ROBO2: variants seen among roughly 807,000 people sequenced by gnomAD.
ROBO2 encodes roundabout guidance receptor 2, also known as roundabout homolog 2.
ROBO2 carries 53 observed loss-of-function variants against 160.8 expected under a neutral mutation model. The observed-to-expected ratio is 0.33, with a 90% CI of 0.26 to 0.41. ROBO2 has a LOEUF of 0.41. Among genes scored for constraint, ROBO2 ranks in the 10% least tolerant of loss-of-function variants. The pLI is 1.00. For missense variants in ROBO2, 1,577 were observed against 1,722.4 expected, an observed-to-expected ratio of 0.92 and a Z score of 1.49; for synonymous variants, 664 against 611.7, an observed-to-expected ratio of 1.09 and a Z score of -1.26.
Position 76,420,507 on chromosome 3 carries a change from T to C in ROBO2, c.109+482905T>C, listed in dbSNP as rs147952141. 4.2e-3 allele frequency among the ~76,000 whole-genome samples: 638 copies of C among 152,360 alleles called. 4 individuals carry two copies. The highest frequency in any genetic ancestry group is 0.014 in the African/African-American group (589 of 41,590). ...GAACCTAAGATATAAGCAACGTTTT[T>C]GATTAAACACACATTTAAGACAAGA... On this transcript the variant is annotated intron_variant, in intron 2 of 26. Coordinates refer to the ROBO2 transcript ENST00000487694.
intron 5 of ROBO2, among the ~76,000 whole-genome samples, chr3:77,518,759 G>C (rs2090291532): frequency 6.6e-6 from 1 of 151,484 alleles, no homozygotes; most frequent in Admixed American, 6.6e-5. Context: ...GATCCTCAAG[G>C]AGAAATTAAA....
At chr3:77,010,212 T>C (rs1164896024) in intron 2 of ROBO2, among the ~76,000 whole-genome samples, 1 of 152,102 alleles carries the variant, frequency 6.6e-6, no homozygotes, top group Non-Finnish European at 1.5e-5. Context: ...GTCAATAAAA[T>C]TGAAGTATAT....
chr3:76,226,350 G>A (rs1213588867), intron 2 of ROBO2, among the ~76,000 whole-genome samples: 1 of 152,128 alleles, frequency 6.6e-6, no homozygotes, highest in African/African-American at 2.4e-5. Flanking sequence ...TGTGTCCTGA[G>A]ATGTGTGTGT....
intron 2 of ROBO2, among the ~76,000 whole-genome samples, chr3:77,340,231 A>G (rs532364098): frequency 2.0e-5 from 3 of 152,136 alleles, no homozygotes; most frequent in Non-Finnish European, 4.4e-5. Flanking sequence ...TAATAAAATA[A>G]TGCCTCCAGT....
chr3:76,018,538 T>C (rs1457518093), intron 2 of ROBO2, among the ~76,000 whole-genome samples: 2 of 151,906 alleles, frequency 1.3e-5, no homozygotes, highest in Non-Finnish European at 2.9e-5. Context: ...AATTTATCTG[T>C]TTTCAGACTT....
At chr3:76,971,381 C>T (rs1423387870) in intron 2 of ROBO2, among the ~76,000 whole-genome samples, 1 of 151,972 alleles carries the variant, frequency 6.6e-6, no homozygotes, top group Non-Finnish European at 1.5e-5. Context: ...ATAGAATTTG[C>T]CAAGGGTTCA....
At chr3:76,992,375 A>G (rs1232617811) in intron 2 of ROBO2, among the ~76,000 whole-genome samples, 1 of 130,402 alleles carries the variant, frequency 7.7e-6, no homozygotes. Flanking sequence ...ATATAAATTT[A>G]GCTTTTGTAA....
At chr3:77,168,773 A>G (rs369241696) in intron 2 of ROBO2, among the ~76,000 whole-genome samples, 2 of 152,186 alleles carry the variant, frequency 1.3e-5, no homozygotes, top group South Asian at 2.1e-4. Context: ...TTGCCTTCAC[A>G]GAGGGTTACC....
At position 77,008,824 on chromosome 3, in the gene ROBO2, A is replaced by G. The variant is rs562052848; in HGVS notation, c.110-89190A>G. ...GAAAACTTAACGGGCCTGAATGAGAACACTTCATGAAAGCAGAGAATTTGT... is the reference window on the plus strand; with the variant it reads ...GAAAACTTAACGGGCCTGAATGAGAGCACTTCATGAAAGCAGAGAATTTGT... On this transcript the variant is annotated intron_variant, in intron 2 of 26. Coordinates refer to the ROBO2 transcript ENST00000487694. Among the ~76,000 whole-genome samples the G allele has an allele frequency of 1.1e-4, 16 of 152,326 alleles. No homozygotes were observed. In the East Asian group the frequency reaches 3.1e-3, roughly 29 times the overall value.
At chr3:76,559,608 G>A (rs942109763) in intron 2 of ROBO2, among the ~76,000 whole-genome samples, 2 of 152,068 alleles carry the variant, frequency 1.3e-5, no homozygotes, top group Admixed American at 1.3e-4. Context: ...AAAGCGGTGG[G>A]ATGCTGGTAA....
chr3:75,957,248 A>AACACAC (rs74280410), intron 2 of ROBO2, among the ~76,000 whole-genome samples: 1 of 149,368 alleles, frequency 6.7e-6, no homozygotes, highest in Admixed American at 6.7e-5. Context: ...ACACACACAA[A>AACACAC]ACACACACAC....
chr3:76,767,852 A>T (rs1272802303), intron 2 of ROBO2, among the ~76,000 whole-genome samples: 1 of 151,500 alleles, frequency 6.6e-6, no homozygotes. Context: ...ATCATCAAAA[A>T]CATAAATTTT....
At chr3:77,316,253 C>G (rs1018706281) in intron 2 of ROBO2, among the ~76,000 whole-genome samples, 8 of 152,286 alleles carry the variant, frequency 5.3e-5, no homozygotes, top group African/African-American at 1.9e-4. Flanking sequence ...TGACCACACC[C>G]TGCAGACCAT....
In ROBO2 at chr3:76,775,631, G is replaced by A. The variant is rs36154530; in HGVS notation, c.110-322383G>A. Among the ~76,000 whole-genome samples, 1,432 of 150,668 alleles carry A rather than the reference G, an allele frequency of 9.5e-3. 12 individuals carry two copies. The highest frequency in any genetic ancestry group is 0.013 in the Non-Finnish European group (894 of 67,068). ...TTAATGTCATAGGTTTATTTCTTTAGAATCAATTCAACTTAATTCTGTCCA... is the reference window on the plus strand; with the variant it reads ...TTAATGTCATAGGTTTATTTCTTTAAAATCAATTCAACTTAATTCTGTCCA... On this transcript the variant is annotated intron_variant, in intron 2 of 26. Transcript: ENST00000487694.
At chr3:77,452,092 T>C (rs1444611630) in intron 2 of ROBO2, among the ~76,000 whole-genome samples, 1 of 152,106 alleles carries the variant, frequency 6.6e-6, no homozygotes, top group African/African-American at 2.4e-5. Context: ...TCATTCTTCT[T>C]CCTAGCTTCC....
intron 2 of ROBO2, among the ~76,000 whole-genome samples, chr3:76,130,506 A>C (rs999958919): frequency 1.3e-5 from 2 of 152,148 alleles, no homozygotes; most frequent in African/African-American, 4.8e-5. Context: ...CTTAGTGTAT[A>C]CATGTACGCA....
intron 2 of ROBO2, among the ~76,000 whole-genome samples, chr3:77,305,837 T>C (rs1212743926): frequency 6.6e-6 from 1 of 152,200 alleles, no homozygotes; most frequent in African/African-American, 2.4e-5. Flanking sequence ...GAGTATGAAA[T>C]TAGCTTTCTA....
At chr3:77,202,841 T>C (rs2083042002) in intron 2 of ROBO2, among the ~76,000 whole-genome samples, 1 of 152,208 alleles carries the variant, frequency 6.6e-6, no homozygotes, top group African/African-American at 2.4e-5. Context: ...TTTCACCTTC[T>C]CAAGATCACA....
intron 2 of ROBO2, among the ~76,000 whole-genome samples, chr3:76,059,952 A>T (rs183049285): frequency 3.2e-4 from 48 of 152,222 alleles, no homozygotes; most frequent in Admixed American, 9.2e-4. Context: ...CAAAGATCAG[A>T]TGGTTGTAGA....
Sources: allele counts gnomAD v4.1 joint callset (sites outside exome capture counted in the v4.1 genomes callset), GRCh38; gene constraint gnomAD v4.1.1; transcripts MANE v1.5; gene names NCBI Gene and HGNC (gene_info 2026-07-23, HGNC 2026-07-21).